Variants in PCOLCE2 observed in about 807,000 individuals in gnomAD.
The protein encoded by PCOLCE2 is procollagen C-proteinase enhancer 2.
PCOLCE2 carries 42 observed loss-of-function variants against 47.0 expected under a neutral mutation model. The observed-to-expected ratio is 0.89, with a 90% CI of 0.70 to 1.16. The LOEUF (loss-of-function observed/expected upper bound fraction) is 1.16. PCOLCE2 is among the 50% of genes most tolerant of loss of function. PCOLCE2 has a pLI of 0.00. For synonymous variants in PCOLCE2, 169 were observed against 191.7 expected (o/e 0.88, Z 0.98); for missense variants, 500 against 526.1 (o/e 0.95, Z 0.49).
At chr3:142,885,175 T>A (rs1933695969) in intron 2 of PCOLCE2, among the ~76,000 whole-genome samples, 1 of 152,224 alleles carries the variant, frequency 6.6e-6, no homozygotes, top group Non-Finnish European at 1.5e-5. Context: ...ATCAGACATT[T>A]CCCATTCTTG....
At chr3:142,821,144 A>G (rs1444908525) in intron 7 of PCOLCE2, 99 bp from the exon 8 acceptor site, 5 of 932,376 alleles carry the variant, frequency 5.4e-6, no homozygotes, top group Non-Finnish European at 8.1e-6. Context: ...GATACGAAAC[A>G]TTTTAATGTT....
At chr3:142,843,251 T>C (rs753527276) in intron 3 of PCOLCE2, 3 of 651,864 alleles carry the variant, frequency 4.6e-6, no homozygotes. Context: ...TTACCTGACA[T>C]AGCATAGCAA....
intron 4 of PCOLCE2, among the ~76,000 whole-genome samples, 168 bp from the exon 5 acceptor site, chr3:142,839,074 A>C (rs1009911956): frequency 1.3e-5 from 2 of 152,094 alleles, no homozygotes; most frequent in African/African-American, 4.8e-5. Flanking sequence ...TAAAAAAAAA[A>C]CTGTGGTATT....
intron 2 of PCOLCE2, among the ~76,000 whole-genome samples, chr3:142,883,710 A>C (rs1248536017): frequency 3.0e-5 from 3 of 98,652 alleles, no homozygotes; most frequent in African/African-American, 6.1e-5. Context: ...AAAAAAAAAA[A>C]AAACACATAT....
At chr3:142,830,137 C>T (rs1300161129) in intron 5 of PCOLCE2, among the ~76,000 whole-genome samples, 2 of 152,172 alleles carry the variant, frequency 1.3e-5, no homozygotes, top group Non-Finnish European at 2.9e-5. Context: ...AAGTGATTTA[C>T]TCAAGGCCCT....
At chr3:142,852,233 AT>A (rs2108199403) in intron 2 of PCOLCE2, among the ~76,000 whole-genome samples, 1 of 152,124 alleles carries the variant, frequency 6.6e-6, no homozygotes, top group East Asian at 1.9e-4. Flanking sequence ...TCCGTTCTTC[AT>A]TTTTTATATG....
chr3:142,827,449 G>T (rs1369504503), intron 6 of PCOLCE2: 3 of 1,557,006 alleles, frequency 1.9e-6, no homozygotes, highest in African/African-American at 2.7e-5. Context: ...TGGTCTCAGG[G>T]TTGTGGGAGA....
At chr3:142,859,274 G>A (rs1011536405) in intron 2 of PCOLCE2, among the ~76,000 whole-genome samples, 3 of 151,862 alleles carry the variant, frequency 2.0e-5, no homozygotes, top group African/African-American at 7.3e-5. Flanking sequence ...TATTGGTCAG[G>A]CTGGTCTCGA....
At chr3:142,888,760 AG>A in intron 1 of PCOLCE2, 53 bp downstream of exon 1, 1 of 1,072,486 alleles carries the variant, frequency 9.3e-7, no homozygotes, top group Non-Finnish European at 1.3e-6. Flanking sequence ...GCGAGGCTGC[AG>A]GGGTGGAGGA....
chr3:142,846,955 G>C (rs1046335466), intron 3 of PCOLCE2, among the ~76,000 whole-genome samples: 1 of 152,160 alleles, frequency 6.6e-6, no homozygotes, highest in African/African-American at 2.4e-5. Context: ...GAGTTACCTT[G>C]AGATCAGTTC....
intron 6 of PCOLCE2, among the ~76,000 whole-genome samples, chr3:142,825,184 G>C (rs1172511676): frequency 1.3e-5 from 2 of 152,060 alleles, no homozygotes; most frequent in Non-Finnish European, 2.9e-5. Context: ...AAAAAGTTGT[G>C]GTGTGTCTGA....
At chr3:142,826,941 G>C (rs527331949) in intron 6 of PCOLCE2, among the ~76,000 whole-genome samples, 1 of 152,206 alleles carries the variant, frequency 6.6e-6, no homozygotes, top group East Asian at 1.9e-4. Flanking sequence ...CAAAAAGACG[G>C]AAGTTTCTAG....
chr3:142,818,881 T>C (rs891461977), intron 8 of PCOLCE2, among the ~76,000 whole-genome samples: 4 of 152,224 alleles, frequency 2.6e-5, no homozygotes, highest in African/African-American at 4.8e-5. Context: ...TGTAGGTCTG[T>C]TGTGGTTTCA....
At position 142,887,684 on chromosome 3, in the gene PCOLCE2, A is replaced by G. The variant is rs1033134438; in HGVS notation, c.177T>C (p.Cys59=). Residue 59 remains cysteine (C), a synonymous_variant, in exon 2 of 9, where the codon TGT becomes TGC. Transcript: ENST00000295992. ...FPGVYPPNSK[C]TWKITVPEGK... ...AAATGCTTACTGTGATTTTCCAAGTACATTTGCTATTTGGAGGGTACACTC... is the reference window on the plus strand; with the variant it reads ...AAATGCTTACTGTGATTTTCCAAGTGCATTTGCTATTTGGAGGGTACACTC... 2 of 1,572,890 alleles carry G rather than the reference A, an allele frequency of 1.3e-6. No homozygotes were observed. The highest frequency in any genetic ancestry group is 1.8e-6 in the Non-Finnish European group (2 of 1,142,780).
In PCOLCE2 at chr3:142,854,338, ACGTAAAGCTCGAGGTG is replaced by A. The variant is rs1490112634; in HGVS notation, c.193-5882_193-5867del. Among the ~76,000 whole-genome samples the A allele has an allele frequency of 1.2e-4, 3 of 24,086 alleles. No homozygotes were observed. The East Asian group carries it at 1.3e-3, about 11-fold the overall frequency. The allele number at this position is 24,086 out of a possible 152,430, so 15.8% of individuals were successfully genotyped here. The stretch of plus-strand genomic sequence containing the variant: ...GTAAAGCTCGAGGCACAGTTGATCT[ACGTAAAGCTCGAGGTG>A]ACCACTCAGTGTCACCTCTCCCATG... On this transcript the variant is annotated intron_variant, in intron 2 of 8. Coordinates refer to ENST00000295992, the MANE Select transcript of PCOLCE2 (RefSeq NM_013363.4).
At chr3:142,833,911 G>T (rs558176677) in intron 5 of PCOLCE2, among the ~76,000 whole-genome samples, 10 of 152,128 alleles carry the variant, frequency 6.6e-5, no homozygotes, top group East Asian at 1.9e-4. Context: ...GGTATATTCT[G>T]ATGAACAGAA....
chr3:142,837,067 G>A (rs1345037388), intron 5 of PCOLCE2, among the ~76,000 whole-genome samples: 1 of 152,202 alleles, frequency 6.6e-6, no homozygotes, highest in Non-Finnish European at 1.5e-5. Flanking sequence ...TTATAAGAGG[G>A]AGATTTGACT....
intron 5 of PCOLCE2, among the ~76,000 whole-genome samples, chr3:142,833,742 C>T (rs550253466): frequency 4.6e-4 from 70 of 152,242 alleles, no homozygotes; most frequent in African/African-American, 1.6e-3. Context: ...TTTGGGAATG[C>T]CTTTTCATGT....
intron 6 of PCOLCE2, chr3:142,827,750 T>C (rs1937100629): frequency 2.7e-6 from 2 of 729,538 alleles, no homozygotes; most frequent in South Asian, 3.4e-5. Flanking sequence ...AATTTAAATC[T>C]GGCTTAAATC....
Sources: allele counts gnomAD v4.1 joint callset (sites outside exome capture counted in the v4.1 genomes callset), GRCh38; gene constraint gnomAD v4.1.1; transcripts MANE v1.5; gene names NCBI Gene and HGNC (gene_info 2026-07-23, HGNC 2026-07-21).